The following SMCHD1 variants were observed in gnomAD, a reference collection of about 807,000 sequenced individuals.
SMCHD1 encodes the protein structural maintenance of chromosomes flexible hinge domain-containing protein 1.
Under a neutral mutation model 254.7 loss-of-function variants are expected in SMCHD1, and 78 were observed. The ratio of observed to expected loss-of-function variants is 0.31; its 90% confidence interval spans 0.26 to 0.37. The LOEUF (loss-of-function observed/expected upper bound fraction) is 0.37. Among genes scored for constraint, SMCHD1 ranks in the 10% least tolerant of loss-of-function variants. SMCHD1 has a pLI of 1.00. For synonymous variants in SMCHD1, 766 were observed against 794.9 expected (o/e 0.96, Z 0.61); for missense variants, 1,840 against 2,408.1 (o/e 0.76, Z 4.94).
chr18:2,679,864 A>G (rs1410011546), intron 5 of SMCHD1, among the ~76,000 whole-genome samples: 1 of 152,048 alleles, frequency 6.6e-6, no homozygotes, highest in Non-Finnish European at 1.5e-5. Context: ...ATGGTGTTCT[A>G]TAGTACAGGT....
Position 2,688,685 on chromosome 18 carries a change from G to T in SMCHD1, c.811G>T (p.Asp271Tyr). 6.5e-7 allele frequency: 1 copy of T among 1,548,664 alleles called. No homozygotes were observed. The highest frequency in any genetic ancestry group is 8.8e-7 in the Non-Finnish European group (1 of 1,140,736). ...TCACGAGCTTGTGCTTTCTAAAGAA[G>T]ATTTTGAGAAGAAGGAGAAAAATAA... ...DVHELVLSKE[D>Y]FEKKEKNKEA... Residue 271 changes from aspartate (D) to tyrosine (Y), a missense_variant, in exon 7 of 48, where the codon GAT becomes TAT. Physicochemically the swap from Asp to Tyr is radical, Grantham distance 160. Around this residue, in one of 9 missense-constraint regions of SMCHD1, gnomAD observed 498 missense variants for 743.5 expected, o/e 0.67. Coordinates refer to ENST00000320876, the MANE Select transcript of SMCHD1 (RefSeq NM_015295.3).
At chr18:2,662,028 A>ACGGTGGCG (rs2073278392) in intron 1 of SMCHD1, among the ~76,000 whole-genome samples, 3 of 136,774 alleles carry the variant, frequency 2.2e-5, no homozygotes, top group African/African-American at 1.0e-4. Flanking sequence ...GCGCGGTGGC[A>ACGGTGGCG]GGCGCCTGTA....
chr18:2,725,907 T>C (rs1236610353), intron 21 of SMCHD1, among the ~76,000 whole-genome samples: 2 of 151,896 alleles, frequency 1.3e-5, no homozygotes, highest in African/African-American at 4.8e-5. Flanking sequence ...AGAGGTTACA[T>C]GTAGAAAGTT....
chr18:2,672,944 C>A, intron 3 of SMCHD1: 1 of 378,184 alleles, frequency 2.6e-6, no homozygotes, highest in Non-Finnish European at 3.6e-6. Context: ...GATGTAATTA[C>A]ATACTGCAGA....
At position 2,700,723 on chromosome 18, in the gene SMCHD1, G is replaced by C; in HGVS notation, c.1464-12G>C. The C allele has an allele frequency of 6.2e-7, 1 of 1,607,176 alleles. No homozygotes were observed. The highest frequency in any genetic ancestry group is 8.5e-7 in the Non-Finnish European group (1 of 1,176,800). On this transcript the variant is annotated splice_polypyrimidine_tract_variant and intron_variant, in intron 11 of 47. Coordinates refer to ENST00000320876, the MANE Select transcript of SMCHD1 (RefSeq NM_015295.3). ...TAATTCTTTTACTAACTAACATTTT[G>C]TTCTGTTCAAGCTTTGACTGGTGTA...
chr18:2,679,279 A>AC (rs71176300), intron 5 of SMCHD1, among the ~76,000 whole-genome samples: 147,056 of 147,058 alleles, frequency 1, 73,527 homozygotes, highest in Middle Eastern at 1. Flanking sequence ...GGAGATCAAG[A>AC]CATCCTGGCT....
intron 42 of SMCHD1, among the ~76,000 whole-genome samples, chr18:2,777,491 T>C (rs545649205): frequency 2.8e-5 from 4 of 144,448 alleles, no homozygotes; most frequent in East Asian, 4.3e-4. Context: ...TGAACAGTTA[T>C]GTCATTCATA....
intron 30 of SMCHD1, 111 bp from the exon 31 acceptor site, chr18:2,749,932 A>G: frequency 1.1e-6 from 1 of 946,960 alleles, no homozygotes; most frequent in Non-Finnish European, 1.5e-6. Context: ...GAAGTATGCA[A>G]ATACTGCTTT....
intron 39 of SMCHD1, among the ~76,000 whole-genome samples, chr18:2,771,058 A>G (rs2075975561): frequency 1.3e-5 from 2 of 152,160 alleles, no homozygotes; most frequent in South Asian, 2.1e-4. Context: ...TATTTTGATC[A>G]AGTTAACCAA....
Position 2,694,647 on chromosome 18 carries a change from A to G in SMCHD1, c.994A>G (p.Ile332Val), listed in dbSNP as rs748848954. 9.9e-6 allele frequency: 16 copies of G among 1,613,168 alleles called. No individual in the cohort carries two copies. The highest frequency in any genetic ancestry group is 1.7e-5 in the Admixed American group (1 of 59,836). Residue 332 changes from isoleucine (I) to valine (V), a missense_variant, in exon 8 of 48, where the codon ATA becomes GTA. Transcript: ENST00000320876. Reference sequence around the variant, plus strand: ...TATCACAGGGGTACAACCAGAACACATACAGTACTTGAAAAATTATTTCCA... The same window carrying G: ...TATCACAGGGGTACAACCAGAACACGTACAGTACTTGAAAAATTATTTCCA... Reference protein sequence around the residue: ...VVITGVQPEHIQYLKNYFHLW... With the variant: ...VVITGVQPEHVQYLKNYFHLW...
At position 2,784,156 on chromosome 18, in the gene SMCHD1, AG is replaced by A. The variant is rs1392635310; in HGVS notation, c.5548-293del. On this transcript the variant is annotated intron_variant, in intron 44 of 47. Transcript: ENST00000320876. ...GATACTTAACTGCCATGGGTTCCAA[AG>A]CACAGAACTCTCTGGCCTGTCCTCT... Among the ~76,000 whole-genome samples, 3 of 152,360 alleles carry A rather than the reference AG, an allele frequency of 2.0e-5. No individual in the cohort carries two copies. In the East Asian group the frequency reaches 5.8e-4, roughly 29 times the overall value.
chr18:2,746,932 G>C (rs1188155967), intron 29 of SMCHD1, among the ~76,000 whole-genome samples: 1 of 152,168 alleles, frequency 6.6e-6, no homozygotes, highest in Non-Finnish European at 1.5e-5. Context: ...ACAGCAAGAA[G>C]CATTTTAAAT....
rs1051895565 is a variant in SMCHD1 at position 2,804,419 on chromosome 18, C to A, written c.*1867C>A. 4.6e-5 allele frequency: 7 copies of A among 152,190 alleles called. No individual in the cohort carries two copies. Among genetic ancestry groups the A allele is most frequent in the Non-Finnish European group, 7.3e-5 (5 of 68,038 alleles). 9.4% of individuals were successfully genotyped at this position (152,190 alleles called of 1,614,324 possible). A position where few individuals can be genotyped will look rare whatever the true frequency, so the allele number is the denominator to read the frequency against. On this transcript the variant is annotated 3_prime_UTR_variant, in exon 48 of 48. Coordinates refer to ENST00000320876, the MANE Select transcript of SMCHD1 (RefSeq NM_015295.3). ...CTAAGTAGCAGGGATTACAGGCATG[C>A]ACCCACATGCCAATTTTTATTGCTT...
At chr18:2,801,407 G>A (rs575720008) in intron 47 of SMCHD1, 36 of 152,186 alleles carry the variant, frequency 2.4e-4, no homozygotes, top group African/African-American at 8.4e-4. Flanking sequence ...GGTGTATTCT[G>A]GACTGCGACT....
At chr18:2,735,554 G>A (rs917308638) in intron 25 of SMCHD1, among the ~76,000 whole-genome samples, 1 of 152,136 alleles carries the variant, frequency 6.6e-6, no homozygotes, top group Non-Finnish European at 1.5e-5. Flanking sequence ...AATCCTCCTG[G>A]AGCTGATAAA....
intron 40 of SMCHD1, among the ~76,000 whole-genome samples, 169 bp downstream of exon 40, chr18:2,771,787 AT>A (rs1187376597): frequency 3.3e-5 from 5 of 152,242 alleles, no homozygotes; most frequent in African/African-American, 1.2e-4. Context: ...AGAGTGCTCT[AT>A]TCAAAGAAAT....
intron 17 of SMCHD1, among the ~76,000 whole-genome samples, chr18:2,716,155 A>G (rs933359473): frequency 1.9e-4 from 29 of 152,150 alleles, no homozygotes; most frequent in Admixed American, 6.6e-4. Flanking sequence ...TAGATTATCT[A>G]TGATTTCCTT....
At position 2,784,286 on chromosome 18, in the gene SMCHD1, G is replaced by A. The variant is rs112738392; in HGVS notation, c.5548-164G>A. Among the ~76,000 whole-genome samples the A allele has an allele frequency of 2.8e-3, 424 of 152,240 alleles. 1 individual carries two copies. Among genetic ancestry groups the A allele is most frequent in the African/African-American group, 9.9e-3 (410 of 41,538 alleles). ...TTGTCTAATTCATCTCTCTGCCTCT[G>A]GATTTTTCCCTCCAGTTTATCTTAC... On this transcript the variant is annotated intron_variant, in intron 44 of 47. Coordinates refer to ENST00000320876, the MANE Select transcript of SMCHD1 (RefSeq NM_015295.3).
intron 42 of SMCHD1, among the ~76,000 whole-genome samples, chr18:2,777,140 G>C (rs142535879): frequency 5.8e-4 from 87 of 150,352 alleles, no homozygotes; most frequent in African/African-American, 1.8e-3. Flanking sequence ...GTAATCCCTG[G>C]AGACTAAGTT....
Sources: allele counts gnomAD v4.1 joint callset (sites outside exome capture counted in the v4.1 genomes callset), GRCh38; gene constraint gnomAD v4.1.1; regional missense constraint gnomAD v4.1.1; transcripts MANE v1.5; gene names NCBI Gene and HGNC (gene_info 2026-07-23, HGNC 2026-07-21).